The following SPAG16 variants were observed in gnomAD, a reference collection of about 807,000 sequenced individuals.
SPAG16 encodes sperm associated antigen 16, also known as sperm-associated antigen 16 protein.
SPAG16 carries 86 observed loss-of-function variants against 80.4 expected under a neutral mutation model. That is an observed-to-expected ratio of 1.07 (90% CI 0.90 to 1.28). The LOEUF is 1.28. Among genes scored for constraint, SPAG16 ranks in the 50% most tolerant of loss-of-function variants. SPAG16 has a pLI of 0.00. For missense variants in SPAG16, 870 were observed against 765.3 expected (o/e 1.14, Z -1.61); for synonymous variants, 294 against 265.9 (o/e 1.11, Z -1.03).
At chr2:214,287,694 A>T (rs1214897738) in intron 15 of SPAG16, among the ~76,000 whole-genome samples, 1 of 152,234 alleles carries the variant, frequency 6.6e-6, no homozygotes, top group Non-Finnish European at 1.5e-5. Flanking sequence ...ATATCAATAG[A>T]AAATTACATC....
chr2:213,530,011 C>T (rs553064164), intron 10 of SPAG16, among the ~76,000 whole-genome samples: 6 of 152,216 alleles, frequency 3.9e-5, no homozygotes, highest in South Asian at 2.1e-4. Flanking sequence ...TCCCACTGGA[C>T]GATCTTCAGA....
chr2:213,367,574 A>G (rs1238227352), intron 8 of SPAG16, among the ~76,000 whole-genome samples: 4 of 152,258 alleles, frequency 2.6e-5, no homozygotes, highest in African/African-American at 9.6e-5. Context: ...TGTTGGCTGC[A>G]TAAATGTCTT....
At chr2:214,006,349 G>A (rs1208814047) in intron 12 of SPAG16, among the ~76,000 whole-genome samples, 2 of 152,190 alleles carry the variant, frequency 1.3e-5, no homozygotes, top group African/African-American at 2.4e-5. Context: ...TCCTTTTAGA[G>A]TTAACATATG....
At chr2:213,683,412 A>G (rs1453285707) in intron 10 of SPAG16, among the ~76,000 whole-genome samples, 7 of 152,128 alleles carry the variant, frequency 4.6e-5, no homozygotes, top group African/African-American at 1.7e-4. Context: ...TTAGCTGAGC[A>G]TGGTGGCATG....
At chr2:214,022,018 T>C (rs1284688904) in intron 13 of SPAG16, among the ~76,000 whole-genome samples, 1 of 152,134 alleles carries the variant, frequency 6.6e-6, no homozygotes, top group African/African-American at 2.4e-5. Flanking sequence ...AAGCTCCCCA[T>C]GCTTGTTCCT....
chr2:213,677,805 C>A (rs2064165590), intron 10 of SPAG16, among the ~76,000 whole-genome samples: 1 of 152,280 alleles, frequency 6.6e-6, no homozygotes, highest in South Asian at 2.1e-4. Flanking sequence ...CCCAAATCAA[C>A]AGAATATACA....
intron 12 of SPAG16, among the ~76,000 whole-genome samples, chr2:213,935,696 A>G (rs2078959571): frequency 6.6e-6 from 1 of 152,216 alleles, no homozygotes; most frequent in African/African-American, 2.4e-5. Context: ...ATTTTATGTT[A>G]GCATTGACCA....
intron 15 of SPAG16, among the ~76,000 whole-genome samples, chr2:214,357,763 A>G (rs1698916241): frequency 6.6e-6 from 1 of 151,786 alleles, no homozygotes; most frequent in African/African-American, 2.4e-5. Flanking sequence ...TTGTAATTGT[A>G]TTTATTGTGA....
intron 15 of SPAG16, among the ~76,000 whole-genome samples, chr2:214,356,703 G>A (rs536558448): frequency 5.9e-5 from 9 of 151,966 alleles, no homozygotes; most frequent in African/African-American, 2.2e-4. Context: ...AACCATGCAA[G>A]AACCTATAAG....
At chr2:213,467,965 C>CCT (rs984008873) in intron 9 of SPAG16, among the ~76,000 whole-genome samples, 7 of 151,964 alleles carry the variant, frequency 4.6e-5, no homozygotes, top group African/African-American at 9.7e-5. Flanking sequence ...TCTTGTGTCT[C>CCT]CTCTCTCTCT....
rs2066274514 is a variant in SPAG16 at position 213,717,168 on chromosome 2, T to C, written c.1071-145317T>C. Among the ~76,000 whole-genome samples, 2 of 151,370 alleles carry C rather than the reference T, an allele frequency of 1.3e-5. 1 individual carries two copies. On this transcript the variant is annotated intron_variant, in intron 10 of 15. Coordinates refer to ENST00000331683, the MANE Select transcript of SPAG16 (RefSeq NM_024532.5). Reference sequence around the variant, plus strand: ...GCAGAAACTTTTCATTTTTTTTTTTTTTTTTGAGACGGAATCTCGTCTGTC... The same window carrying C: ...GCAGAAACTTTTCATTTTTTTTTTTCTTTTTGAGACGGAATCTCGTCTGTC...
intron 15 of SPAG16, among the ~76,000 whole-genome samples, chr2:214,157,487 T>G (rs1249714157): frequency 6.6e-6 from 1 of 152,082 alleles, no homozygotes; most frequent in African/African-American, 2.4e-5. Context: ...CCAGCAAGTA[T>G]GGAAAATAAC....
chr2:214,018,537 A>G (rs2047702273), intron 13 of SPAG16, among the ~76,000 whole-genome samples: 1 of 152,176 alleles, frequency 6.6e-6, no homozygotes, highest in African/African-American at 2.4e-5. Flanking sequence ...GGATGACATT[A>G]TTTGATTTGC....
At chr2:214,359,303 T>G (rs574467075) in intron 15 of SPAG16, among the ~76,000 whole-genome samples, 13 of 151,608 alleles carry the variant, frequency 8.6e-5, no homozygotes, top group East Asian at 3.9e-4. Context: ...ATTGGGGGGG[T>G]TTAAACTCAG....
intron 10 of SPAG16, among the ~76,000 whole-genome samples, chr2:213,642,983 T>C (rs2125118531): frequency 6.6e-6 from 1 of 151,704 alleles, no homozygotes; most frequent in East Asian, 1.9e-4. Flanking sequence ...TGCAGATGGC[T>C]TATTGTGGGA....
At chr2:213,947,900 C>T (rs1235849192) in intron 12 of SPAG16, among the ~76,000 whole-genome samples, 2 of 151,992 alleles carry the variant, frequency 1.3e-5, no homozygotes, top group Non-Finnish European at 2.9e-5. Flanking sequence ...TTTTCTTTTT[C>T]TTTCAAAATT....
intron 11 of SPAG16, among the ~76,000 whole-genome samples, chr2:213,913,252 A>G (rs964996604): frequency 2.6e-5 from 4 of 151,990 alleles, no homozygotes; most frequent in Non-Finnish European, 5.9e-5. Flanking sequence ...CCATTATGTG[A>G]CTTTTCCCAC....
intron 15 of SPAG16, among the ~76,000 whole-genome samples, chr2:214,370,080 C>T (rs948317137): frequency 5.9e-5 from 9 of 152,100 alleles, no homozygotes; most frequent in Admixed American, 5.9e-4. Context: ...TGCCCAGAAC[C>T]TCTCTTTTAA....
Position 214,362,041 on chromosome 2 carries a change from C to T in SPAG16, c.1721-48099C>T, listed in dbSNP as rs367916647. On this transcript the variant is annotated intron_variant, in intron 15 of 15. Transcript: ENST00000331683. ...CAGTCAGGATTGTTTACTGTGGTAA[C>T]AAACAATCCCCAAATTTCAGTAACC... is the stretch of plus-strand genomic sequence containing the variant. Among the ~76,000 whole-genome samples, 26 of 151,972 alleles carry T rather than the reference C, an allele frequency of 1.7e-4. 1 individual carries two copies. The highest frequency in any genetic ancestry group is 6.3e-4 in the African/African-American group (26 of 41,536).
Sources: allele counts gnomAD v4.1 joint callset (sites outside exome capture counted in the v4.1 genomes callset), GRCh38; gene constraint gnomAD v4.1.1; transcripts MANE v1.5; gene names NCBI Gene and HGNC (gene_info 2026-07-23, HGNC 2026-07-21).